LSAMP: variants seen among roughly 807,000 people sequenced by gnomAD.
LSAMP encodes the protein limbic system associated membrane protein.
LSAMP carries 7 observed loss-of-function variants against 38.6 expected under a neutral mutation model. The observed-to-expected ratio is 0.18, with a 90% CI of 0.10 to 0.34. LSAMP has a LOEUF of 0.34. Ranked by LOEUF, LSAMP falls within the 10% of genes least tolerant of loss-of-function variation. LSAMP has a pLI of 1.00. For missense variants in LSAMP, 313 were observed against 420.0 expected, an observed-to-expected ratio of 0.75 and a Z score of 2.23; for synonymous variants, 154 against 166.8, an observed-to-expected ratio of 0.92 and a Z score of 0.59.
chr3:116,248,683 C>T (rs772262720), intron 1 of LSAMP, among the ~76,000 whole-genome samples: 1 of 152,114 alleles, frequency 6.6e-6, no homozygotes, highest in Non-Finnish European at 1.5e-5. Flanking sequence ...CACTTTGGAA[C>T]ATTTTGGCCT....
chr3:116,091,990 C>G (rs1266218094), intron 1 of LSAMP, among the ~76,000 whole-genome samples: 2 of 152,108 alleles, frequency 1.3e-5, no homozygotes, highest in African/African-American at 2.4e-5. Context: ...CTCCACATTG[C>G]ATTAGAGTTA....
intron 1 of LSAMP, among the ~76,000 whole-genome samples, chr3:116,126,725 G>T (rs1321781350): frequency 6.6e-6 from 1 of 152,138 alleles, no homozygotes; most frequent in African/African-American, 2.4e-5. Flanking sequence ...AGCTGGGTGT[G>T]GTGGTGCATG....
intron 3 of LSAMP, among the ~76,000 whole-genome samples, chr3:115,932,407 T>G (rs919215860): frequency 6.6e-5 from 10 of 152,212 alleles, no homozygotes; most frequent in African/African-American, 2.4e-4. Context: ...TGGATACTTT[T>G]TAAAAAAATA....
chr3:116,075,610 C>T (rs1292726953), intron 2 of LSAMP, among the ~76,000 whole-genome samples: 5 of 149,772 alleles, frequency 3.3e-5, no homozygotes, highest in East Asian at 2.0e-4. Flanking sequence ...GGCACAATCT[C>T]GGCTCACTGC....
At chr3:116,121,386 G>A (rs1374486618) in intron 1 of LSAMP, among the ~76,000 whole-genome samples, 2 of 151,940 alleles carry the variant, frequency 1.3e-5, no homozygotes, top group African/African-American at 2.4e-5. Context: ...GCGGAGTATA[G>A]TGGGATGTTT....
chr3:116,393,452 A>C (rs1439007853), intron 1 of LSAMP, among the ~76,000 whole-genome samples: 1 of 152,186 alleles, frequency 6.6e-6, no homozygotes, highest in Non-Finnish European at 1.5e-5. Flanking sequence ...CTGACAGTGC[A>C]CAGTGCCTGG....
At chr3:116,283,692 A>T (rs1338351414) in intron 1 of LSAMP, among the ~76,000 whole-genome samples, 2 of 152,164 alleles carry the variant, frequency 1.3e-5, no homozygotes, top group Non-Finnish European at 2.9e-5. Context: ...AACCCTATGA[A>T]TCTTGTGTTT....
At chr3:116,245,670 T>A (rs1045625200) in intron 1 of LSAMP, among the ~76,000 whole-genome samples, 1 of 152,198 alleles carries the variant, frequency 6.6e-6, no homozygotes, top group Non-Finnish European at 1.5e-5. Flanking sequence ...ATAAATTATT[T>A]TTAAAAATCA....
At chr3:116,145,673 G>C (rs1709475027) in intron 1 of LSAMP, among the ~76,000 whole-genome samples, 1 of 151,850 alleles carries the variant, frequency 6.6e-6, no homozygotes. Flanking sequence ...TAGCCAAATA[G>C]ACACCATAAA....
At chr3:115,812,361 A>G (rs1422908784) in intron 6 of LSAMP, among the ~76,000 whole-genome samples, 1 of 152,172 alleles carries the variant, frequency 6.6e-6, no homozygotes, top group Non-Finnish European at 1.5e-5. Flanking sequence ...TGAGGAATTA[A>G]GGTTCAATGA....
intron 1 of LSAMP, among the ~76,000 whole-genome samples, chr3:116,202,472 T>A (rs62269222): frequency 0.094 from 14,188 of 150,264 alleles, 946 homozygotes; most frequent in African/African-American, 0.2. Flanking sequence ...TGAGACAGGG[T>A]TTTGCTCCAT....
At chr3:115,840,533 T>C (rs1194338400) in intron 6 of LSAMP, among the ~76,000 whole-genome samples, 1 of 152,230 alleles carries the variant, frequency 6.6e-6, no homozygotes, top group Non-Finnish European at 1.5e-5. Context: ...AAACTTCATA[T>C]GGAGGCAGCA....
chr3:115,842,038 AT>A (rs770294377), intron 5 of LSAMP, 45 bp from the exon 6 acceptor site: 1 of 1,560,484 alleles, frequency 6.4e-7, no homozygotes, highest in East Asian at 2.3e-5. Flanking sequence ...ACTGGTGAAG[AT>A]TTTAGCTTAG....
At chr3:116,062,066 T>C (rs1009314926) in intron 2 of LSAMP, among the ~76,000 whole-genome samples, 5 of 152,232 alleles carry the variant, frequency 3.3e-5, no homozygotes, top group African/African-American at 9.7e-5. Context: ...GAATATTTTA[T>C]ATTTAAAAAA....
chr3:116,428,091 G>C (rs1263509015), intron 1 of LSAMP, among the ~76,000 whole-genome samples: 1 of 152,028 alleles, frequency 6.6e-6, no homozygotes, highest in African/African-American at 2.4e-5. Context: ...TATTTACTTA[G>C]GACTCTCCGT....
chr3:116,399,157 G>A (rs1255568295), intron 1 of LSAMP, among the ~76,000 whole-genome samples: 5 of 152,188 alleles, frequency 3.3e-5, no homozygotes. Context: ...ATGTAAGCAG[G>A]AGCAAGATTA....
chr3:115,900,041 T>C (rs2107479702), intron 3 of LSAMP, among the ~76,000 whole-genome samples: 1 of 152,300 alleles, frequency 6.6e-6, no homozygotes, highest in African/African-American at 2.4e-5. Context: ...TAATTTTGGA[T>C]GTAGAATTAC....
intron 1 of LSAMP, among the ~76,000 whole-genome samples, chr3:116,263,765 A>C (rs1282778511): frequency 6.6e-6 from 1 of 152,214 alleles, no homozygotes; most frequent in Non-Finnish European, 1.5e-5. Context: ...GGTTATATCC[A>C]CTAATATCAC....
At chr3:116,318,661 T>C (rs1214262842) in intron 1 of LSAMP, among the ~76,000 whole-genome samples, 26 of 152,170 alleles carry the variant, frequency 1.7e-4, no homozygotes, top group Admixed American at 1.7e-3. Context: ...AATGTAAACA[T>C]CTAATTAACA....
Sources: allele counts gnomAD v4.1 joint callset (sites outside exome capture counted in the v4.1 genomes callset), GRCh38; gene constraint gnomAD v4.1.1; transcripts MANE v1.5; gene names NCBI Gene and HGNC (gene_info 2026-07-23, HGNC 2026-07-21).